Variants in RNLS observed in about 807,000 individuals in gnomAD.
RNLS encodes renalase, FAD dependent amine oxidase.
A neutral mutation model predicts 39.8 loss-of-function variants in RNLS; 39 were observed. The ratio of observed to expected loss-of-function variants is 0.98; its 90% CI spans 0.76 to 1.28. The LOEUF is 1.28. Among genes scored for constraint, RNLS ranks in the 50% most tolerant of loss-of-function variants. The pLI, the probability that RNLS is intolerant of heterozygous loss-of-function variation, is 0.00. For synonymous variants in RNLS, 147 were observed against 150.7 expected (o/e 0.98, Z 0.18); for missense variants, 410 against 413.3 (o/e 0.99, Z 0.07).
At chr10:88,564,101 C>T (rs931970289) in intron 4 of RNLS, among the ~76,000 whole-genome samples, 1 of 152,090 alleles carries the variant, frequency 6.6e-6, no homozygotes, top group African/African-American at 2.4e-5. Context: ...TTCTGTTATT[C>T]ATATATTCAC....
chr10:88,190,143 C>G, the RNLS span, among the ~76,000 whole-genome samples: 12 of 152,344 alleles, frequency 7.9e-5, no homozygotes, highest in South Asian at 2.1e-3. Context: ...TCTGAGTCTT[C>G]CCTGCCTTCA....
At chr10:88,183,852 A>T in the RNLS span, among the ~76,000 whole-genome samples, 8 of 152,132 alleles carry the variant, frequency 5.3e-5, no homozygotes, top group Non-Finnish European at 1.2e-4. Context: ...CGAGTAGATA[A>T]TTCAAGATGG....
intron 4 of RNLS, among the ~76,000 whole-genome samples, chr10:88,406,682 G>C (rs868071700): frequency 1.3e-5 from 2 of 152,024 alleles, no homozygotes; most frequent in Admixed American, 6.6e-5. Flanking sequence ...ACTATCATTT[G>C]ATCCAGCAAT....
At chr10:88,201,151 G>A in the RNLS span, among the ~76,000 whole-genome samples, 1 of 152,174 alleles carries the variant, frequency 6.6e-6, no homozygotes, top group African/African-American at 2.4e-5. Context: ...AAGTTTGGTT[G>A]CTTTAAGATG....
At chr10:88,456,568 T>C (rs1842640461) in intron 4 of RNLS, among the ~76,000 whole-genome samples, 1 of 152,150 alleles carries the variant, frequency 6.6e-6, no homozygotes, top group African/African-American at 2.4e-5. Flanking sequence ...AATCAGGTCC[T>C]GTGCCTGTGA....
At chr10:88,182,681 ATG>A in the RNLS span, among the ~76,000 whole-genome samples, 8 of 150,158 alleles carry the variant, frequency 5.3e-5, no homozygotes, top group African/African-American at 9.8e-5. Context: ...GTATTTGTGT[ATG>A]TGTGTGTGTG....
intron 5 of RNLS, among the ~76,000 whole-genome samples, chr10:88,317,472 A>G (rs1304041832): frequency 6.6e-6 from 1 of 152,250 alleles, no homozygotes; most frequent in African/African-American, 2.4e-5. Flanking sequence ...GACTTCTCTC[A>G]AAGCATTAAG....
chr10:88,395,270 A>G (rs1399050483), intron 4 of RNLS, among the ~76,000 whole-genome samples: 1 of 151,214 alleles, frequency 6.6e-6, no homozygotes, highest in African/African-American at 2.4e-5. Context: ...GGAAGCCCAG[A>G]CATTGTACTT....
At chr10:88,505,998 C>G (rs1845768262) in intron 4 of RNLS, among the ~76,000 whole-genome samples, 1 of 152,130 alleles carries the variant, frequency 6.6e-6, no homozygotes, top group Admixed American at 6.6e-5. Context: ...GGCTCCAACA[C>G]AGACCCCAGG....
downstream of RNLS, among the ~76,000 whole-genome samples, chr10:88,271,373 GA>G (rs1433095831): frequency 1.3e-5 from 2 of 152,150 alleles, no homozygotes; most frequent in Non-Finnish European, 2.9e-5. Context: ...AGTTCCTTCT[GA>G]GACATTTTTC....
intron 4 of RNLS, among the ~76,000 whole-genome samples, chr10:88,538,306 C>T (rs1022471154): frequency 7.2e-5 from 11 of 152,094 alleles, no homozygotes; most frequent in African/African-American, 2.7e-4. Context: ...TAAGAAAGAA[C>T]CTTATTTAGA....
chr10:88,508,748 C>T (rs1845930295), intron 4 of RNLS, among the ~76,000 whole-genome samples: 1 of 152,070 alleles, frequency 6.6e-6, no homozygotes. Context: ...CAATATTCTA[C>T]TCCAGTTAGG....
At chr10:88,283,789 CAG>C (rs1383980343), downstream of RNLS, among the ~76,000 whole-genome samples, 2 of 151,888 alleles carry the variant, frequency 1.3e-5, no homozygotes, top group Non-Finnish European at 2.9e-5. Context: ...CAGGGGACAA[CAG>C]AAAGTGGGGC....
At chr10:88,341,709 T>A (rs1038684569) in intron 5 of RNLS, among the ~76,000 whole-genome samples, 2 of 152,124 alleles carry the variant, frequency 1.3e-5, no homozygotes, top group African/African-American at 4.8e-5. Flanking sequence ...GAAAACAGCC[T>A]GAGGGAAGCA....
At position 88,420,011 on chromosome 10, in the gene RNLS, AAAATAAATAAATAAAT is replaced by A. The variant is rs57637078; in HGVS notation, c.527-57302_527-57287del. On this transcript the variant is annotated intron_variant, in intron 4 of 6. Coordinates refer to ENST00000331772, the MANE Select transcript of RNLS (RefSeq NM_001031709.3). ...GGCAACAAGTGTGAAACTCCATCTC[AAAATAAATAAATAAAT>A]AAATAAATAAATAAATAAATAAATA... Among the ~76,000 whole-genome samples the A allele has an allele frequency of 5.1e-4, 69 of 134,786 alleles. 1 individual carries two copies. The highest frequency in any genetic ancestry group is 4.2e-3 in the East Asian group (20 of 4,792). 88.4% of individuals were successfully genotyped at this position (134,786 alleles called of 152,430 possible).
intron 4 of RNLS, among the ~76,000 whole-genome samples, chr10:88,447,195 T>C (rs369208259): frequency 1.3e-5 from 2 of 152,222 alleles, no homozygotes; most frequent in East Asian, 1.9e-4. Flanking sequence ...ATAAAGGGTA[T>C]TCATTTAGGA....
intron 4 of RNLS, among the ~76,000 whole-genome samples, chr10:88,419,593 G>GA (rs113459900): frequency 6.6e-6 from 1 of 151,988 alleles, no homozygotes; most frequent in Non-Finnish European, 1.5e-5. Context: ...CAATCAGAAG[G>GA]AAAAAACTAT....
chr10:88,412,154 G>A lies in RNLS; in HGVS notation c.527-49429C>T, dbSNP rs76554884. On this transcript the variant is annotated intron_variant, in intron 4 of 6. Transcript: ENST00000331772. ...AGCCATGAGAGATTGAAGGCAGGGG[G>A]GTCAGGTGAGAAGGCCGCTGCAATA... Among the ~76,000 whole-genome samples, 981 of 152,052 alleles carry A rather than the reference G, an allele frequency of 6.5e-3. 5 individuals carry two copies. The highest frequency in any genetic ancestry group is 0.023 in the African/African-American group (939 of 41,488).
At chr10:88,276,358 T>G (rs1321791111) in intron 6 of RNLS, among the ~76,000 whole-genome samples, 1 of 152,150 alleles carries the variant, frequency 6.6e-6, no homozygotes, top group East Asian at 1.9e-4. Context: ...AACCTAGAAA[T>G]AGGTTAAACA....
Sources: allele counts gnomAD v4.1 joint callset (sites outside exome capture counted in the v4.1 genomes callset), GRCh38; gene constraint gnomAD v4.1.1; transcripts MANE v1.5; gene names NCBI Gene and HGNC (gene_info 2026-07-23, HGNC 2026-07-21).